The following DNAI7 variants were observed in gnomAD, a reference collection of about 807,000 sequenced individuals.
The protein encoded by DNAI7 is cancer susceptibility 1.
A neutral mutation model predicts 86.6 loss-of-function variants in DNAI7; 78 were observed. That is an observed-to-expected ratio of 0.90 (90% confidence interval 0.75 to 1.09). DNAI7 has a LOEUF of 1.09. Among genes scored for constraint, DNAI7 ranks in the 50% least tolerant of loss-of-function variants. The probability of loss-of-function intolerance (pLI) is 0.00; values close to 1 mark genes in which losing one functional copy is unlikely to be tolerated. For synonymous variants in DNAI7, 274 were observed against 273.0 expected (o/e 1.00, Z -0.04); for missense variants, 753 against 810.2 (o/e 0.93, Z 0.86).
intron 2 of DNAI7, among the ~76,000 whole-genome samples, chr12:25,171,587 T>C (rs368577648): frequency 3.3e-5 from 5 of 152,178 alleles, no homozygotes; most frequent in South Asian, 2.1e-4. Context: ...TTCCACAAGA[T>C]AGAGAAAGAA....
At chr12:25,122,351 G>A (rs374775492) in intron 10 of DNAI7, among the ~76,000 whole-genome samples, 4 of 149,932 alleles carry the variant, frequency 2.7e-5, no homozygotes, top group Admixed American at 2.0e-4. Flanking sequence ...CAGCTACTCA[G>A]CAGGCTGAGG....
intron 2 of DNAI7, among the ~76,000 whole-genome samples, chr12:25,182,835 G>C (rs1223952262): frequency 1.3e-5 from 2 of 151,982 alleles, no homozygotes; most frequent in African/African-American, 4.8e-5. Context: ...GAGGTGGGAG[G>C]ATCGCTTGAG....
intron 4 of DNAI7, among the ~76,000 whole-genome samples, chr12:25,156,128 C>T (rs1946141916): frequency 6.6e-6 from 1 of 151,940 alleles, no homozygotes; most frequent in African/African-American, 2.4e-5. Context: ...AAAAAGAATG[C>T]CCTGATGAAG....
rs779998266 is a variant in DNAI7 at position 25,149,618 on chromosome 12, TCA to T, written c.585+8_585+9del. 1.9e-6 allele frequency: 3 copies of T among 1,585,244 alleles called. No homozygotes were observed. The highest frequency in any genetic ancestry group is 2.6e-6 in the Non-Finnish European group (3 of 1,165,062). On this transcript the variant is annotated splice_region_variant and intron_variant, in intron 7 of 15. Coordinates refer to ENST00000395987, the MANE Select transcript of DNAI7 (RefSeq NM_018272.5). ...TAAAACTTAATATATAAGCAAAATATCACACTTACTTTGAGAAGTATTTCTGT... is the reference window on the plus strand; with the variant it reads ...TAAAACTTAATATATAAGCAAAATATCACTTACTTTGAGAAGTATTTCTGT...
chr12:25,123,267 G>A lies in DNAI7; in HGVS notation c.1022C>T (p.Ser341Phe). Residue 341 changes from serine to phenylalanine, a missense_variant, in exon 10 of 16, where the codon TCT (serine) becomes TTT (phenylalanine). Transcript: ENST00000395987. Reference protein sequence around the residue: ...EVKMSSAEEESEAIKCEREMK... With the variant: ...EVKMSSAEEEFEAIKCEREMK... ...CTCTCGTTCACATTTTATGGCTTCA[G>A]ATTCTTCCTCAGCAGAACTCTATAA... 6.2e-7 allele frequency: 1 copy of A among 1,607,598 alleles called. No individual in the cohort carries two copies. The highest frequency in any genetic ancestry group is 8.5e-7 in the Non-Finnish European group (1 of 1,177,280).
At chr12:25,194,546 T>G (rs1463061882) in intron 1 of DNAI7, among the ~76,000 whole-genome samples, 1 of 152,226 alleles carries the variant, frequency 6.6e-6, no homozygotes, top group Admixed American at 6.5e-5. Context: ...GCTGAAAACA[T>G]GGCAGTTGAG....
At chr12:25,107,498 C>A (rs1455284988), downstream of DNAI7, among the ~76,000 whole-genome samples, 1 of 152,158 alleles carries the variant, frequency 6.6e-6, no homozygotes, top group Non-Finnish European at 1.5e-5. Flanking sequence ...CAGCAAATAA[C>A]ATTTTTGTTT....
At chr12:25,141,261 G>A (rs139446635) in intron 9 of DNAI7, among the ~76,000 whole-genome samples, 3,089 of 152,280 alleles carry the variant, frequency 0.02, 55 homozygotes, top group South Asian at 0.068. Flanking sequence ...AATCAGCAGA[G>A]TAAACAGACA....
At chr12:25,109,828 G>A (rs554552575) in intron 15 of DNAI7, among the ~76,000 whole-genome samples, 13 of 152,042 alleles carry the variant, frequency 8.6e-5, no homozygotes, top group Admixed American at 1.3e-4. Flanking sequence ...ACAGGCATGC[G>A]CCACCACACT....
At chr12:25,193,792 G>A (rs982310154) in intron 1 of DNAI7, among the ~76,000 whole-genome samples, 21 of 150,924 alleles carry the variant, frequency 1.4e-4, no homozygotes, top group Non-Finnish European at 2.7e-4. Flanking sequence ...TTTGCATTCC[G>A]CCAGGAATGC....
At chr12:25,189,134 A>C (rs777516836) in intron 2 of DNAI7, among the ~76,000 whole-genome samples, 1 of 152,204 alleles carries the variant, frequency 6.6e-6, no homozygotes, top group Non-Finnish European at 1.5e-5. Flanking sequence ...AAAGAGCCCA[A>C]GTGTTTTTAA....
chr12:25,167,150 C>T (rs1947574984), intron 2 of DNAI7, among the ~76,000 whole-genome samples: 1 of 152,188 alleles, frequency 6.6e-6, no homozygotes, highest in Admixed American at 6.5e-5. Context: ...GCCTAATCGC[C>T]ACACACCACC....
chr12:25,116,543 A>G (rs775804083), intron 12 of DNAI7, among the ~76,000 whole-genome samples: 3 of 152,096 alleles, frequency 2.0e-5, no homozygotes, highest in Non-Finnish European at 2.9e-5. Flanking sequence ...CTTGTCACCC[A>G]GGCTGGAGTA....
intron 2 of DNAI7, among the ~76,000 whole-genome samples, chr12:25,182,272 G>A (rs1325695752): frequency 6.0e-5 from 9 of 150,570 alleles, no homozygotes; most frequent in Non-Finnish European, 1.3e-4. Flanking sequence ...ACTTGAACCT[G>A]GGGGGCGGAG....
chr12:25,177,765 C>T (rs959083247), intron 2 of DNAI7, among the ~76,000 whole-genome samples: 1 of 152,140 alleles, frequency 6.6e-6, no homozygotes. Context: ...ATCATTATTT[C>T]AAATTTACAC....
chr12:25,124,584 T>G (rs1941830306), intron 9 of DNAI7, among the ~76,000 whole-genome samples: 1 of 152,152 alleles, frequency 6.6e-6, no homozygotes, highest in Non-Finnish European at 1.5e-5. Flanking sequence ...AGGCAACACC[T>G]CTCTTACCTA....
At chr12:25,166,734 GC>G (rs1198671637) in intron 2 of DNAI7, among the ~76,000 whole-genome samples, 2 of 152,098 alleles carry the variant, frequency 1.3e-5, no homozygotes, top group African/African-American at 4.8e-5. Flanking sequence ...ACACCCTGTA[GC>G]CTTTCTGTCC....
Position 25,108,448 on chromosome 12 carries a change from T to C in DNAI7, c.*100A>G. On this transcript the variant is annotated 3_prime_UTR_variant, in exon 16 of 16. Transcript: ENST00000395987. ...AGATTAGAAAATTTTTAATAGTTGA[T>C]TTGAAATGTATTCATTCACTCATTA... 1 of 989,300 alleles carries C rather than the reference T, an allele frequency of 1.0e-6. No individual in the cohort carries two copies. The highest frequency in any genetic ancestry group is 2.3e-5 in the South Asian group (1 of 42,886). 61.3% of individuals were successfully genotyped at this position (989,300 alleles called of 1,614,324 possible).
chr12:25,114,209 G>C (rs141187087), intron 13 of DNAI7, among the ~76,000 whole-genome samples: 9 of 152,276 alleles, frequency 5.9e-5, no homozygotes, highest in African/African-American at 2.2e-4. Context: ...AAAGTGCTGG[G>C]ATTCCAGGCG....
Sources: allele counts gnomAD v4.1 joint callset (sites outside exome capture counted in the v4.1 genomes callset), GRCh38; gene constraint gnomAD v4.1.1; transcripts MANE v1.5; gene names NCBI Gene and HGNC (gene_info 2026-07-23, HGNC 2026-07-21).